MACROD2: variants seen among roughly 807,000 people sequenced by gnomAD.
The protein encoded by MACROD2 is mono-ADP ribosylhydrolase 2.
A neutral mutation model predicts 70.4 loss-of-function variants in MACROD2; 36 were observed. The ratio of observed to expected loss-of-function variants is 0.51; its 90% CI spans 0.39 to 0.68. The LOEUF (loss-of-function observed/expected upper bound fraction) is 0.68. MACROD2 is among the 30% of genes least tolerant of loss of function. The pLI is 0.00. For missense variants in MACROD2, 496 were observed against 538.4 expected, an observed-to-expected ratio of 0.92 and a Z score of 0.78; for synonymous variants, 172 against 178.8, an observed-to-expected ratio of 0.96 and a Z score of 0.30.
intron 7 of MACROD2, among the ~76,000 whole-genome samples, chr20:15,434,251 T>C (rs1420285623): frequency 6.7e-6 from 1 of 149,414 alleles, no homozygotes; most frequent in African/African-American, 2.5e-5. Context: ...ATCCACAGAG[T>C]GGGAGAAAAT....
chr20:15,100,477 C>T (rs776495628), intron 5 of MACROD2, among the ~76,000 whole-genome samples: 63 of 152,132 alleles, frequency 4.1e-4, no homozygotes, highest in Non-Finnish European at 7.1e-4. Context: ...ACTGGACTCC[C>T]GTACAACTGA....
chr20:15,852,591 A>T (rs1460977740), intron 8 of MACROD2, among the ~76,000 whole-genome samples: 9 of 152,226 alleles, frequency 5.9e-5, no homozygotes, highest in African/African-American at 2.2e-4. Flanking sequence ...GAAGAAGAAC[A>T]ATGATATTCG....
At chr20:14,811,085 T>C (rs191815654) in intron 5 of MACROD2, among the ~76,000 whole-genome samples, 1 of 152,118 alleles carries the variant, frequency 6.6e-6, no homozygotes, top group East Asian at 1.9e-4. Flanking sequence ...TTAGAAAAAC[T>C]ACTTTAAATT....
chr20:15,189,373 C>T (rs987819714), intron 5 of MACROD2, among the ~76,000 whole-genome samples: 16 of 151,720 alleles, frequency 1.1e-4, no homozygotes, highest in South Asian at 2.1e-4. Flanking sequence ...TGTATGTACA[C>T]GCACATACAC....
intron 5 of MACROD2, among the ~76,000 whole-genome samples, chr20:14,902,931 A>C (rs2073913927): frequency 6.6e-6 from 1 of 152,142 alleles, no homozygotes; most frequent in South Asian, 2.1e-4. Flanking sequence ...AAGCAGTAAT[A>C]CAAGGAAAGA....
rs547708521 is a variant in MACROD2, at chr20:15,890,749, G to A, written c.775+4938G>A. 3.0e-4 allele frequency among the ~76,000 whole-genome samples: 45 copies of A among 151,590 alleles called. 1 individual carries two copies. Among genetic ancestry groups the A allele is most frequent in the African/African-American group, 1.0e-3 (42 of 41,348 alleles). Reference sequence around the variant, plus strand: ...TCTATCAAATGTGGGGTTTTTTTTTGTTCTGTTCCTTTTTTAATAAATGGG... The same window carrying A: ...TCTATCAAATGTGGGGTTTTTTTTTATTCTGTTCCTTTTTTAATAAATGGG... On this transcript the variant is annotated intron_variant, in intron 10 of 17. Coordinates refer to ENST00000684519, the MANE Select transcript of MACROD2 (RefSeq NM_001351661.2).
intron 8 of MACROD2, among the ~76,000 whole-genome samples, chr20:15,636,368 C>T (rs1185728839): frequency 1.3e-5 from 2 of 152,152 alleles, no homozygotes; most frequent in Non-Finnish European, 2.9e-5. Context: ...TATCAGCTTC[C>T]ACCTCCATGG....
chr20:14,435,455 C>T (rs1005047901), intron 3 of MACROD2, among the ~76,000 whole-genome samples: 4 of 152,118 alleles, frequency 2.6e-5, no homozygotes, highest in East Asian at 1.9e-4. Context: ...ACTGTGATAA[C>T]GATCCCAGTG....
chr20:14,660,236 T>C (rs1352994361), intron 4 of MACROD2, among the ~76,000 whole-genome samples: 1 of 152,244 alleles, frequency 6.6e-6, no homozygotes, highest in East Asian at 1.9e-4. Flanking sequence ...GGAGCCTATG[T>C]TTTTCTAGAG....
At chr20:15,117,622 C>T (rs1195667646) in intron 5 of MACROD2, among the ~76,000 whole-genome samples, 1 of 152,166 alleles carries the variant, frequency 6.6e-6, no homozygotes, top group Non-Finnish European at 1.5e-5. Flanking sequence ...GAGTCTTGAG[C>T]ATGCGTTGAC....
chr20:15,357,638 T>C (rs976460640), intron 6 of MACROD2, among the ~76,000 whole-genome samples: 1 of 152,204 alleles, frequency 6.6e-6, no homozygotes, highest in Non-Finnish European at 1.5e-5. Context: ...CTTTGTACTT[T>C]TATTTCTTCT....
At chr20:15,445,551 C>G (rs112285456) in intron 7 of MACROD2, among the ~76,000 whole-genome samples, 11 of 152,210 alleles carry the variant, frequency 7.2e-5, no homozygotes, top group African/African-American at 2.6e-4. Flanking sequence ...AAAACCAAAT[C>G]ATGTTTCTGT....
intron 3 of MACROD2, among the ~76,000 whole-genome samples, chr20:14,287,072 G>A (rs2082351130): frequency 6.6e-6 from 1 of 152,086 alleles, no homozygotes; most frequent in Non-Finnish European, 1.5e-5. Context: ...AGGCTTGCCT[G>A]CATTTCTTAA....
chr20:14,496,342 G>T (rs182594649), intron 4 of MACROD2, among the ~76,000 whole-genome samples: 2 of 152,218 alleles, frequency 1.3e-5, no homozygotes, highest in Non-Finnish European at 2.9e-5. Context: ...CCTCAGGAGG[G>T]CTTCCCCCAT....
intron 4 of MACROD2, among the ~76,000 whole-genome samples, chr20:14,642,180 TCTG>T (rs1183757949): frequency 6.6e-6 from 1 of 152,218 alleles, no homozygotes; most frequent in Non-Finnish European, 1.5e-5. Flanking sequence ...TGAACCAACC[TCTG>T]CTAGCTTCCA....
intron 6 of MACROD2, among the ~76,000 whole-genome samples, chr20:15,247,908 G>T (rs913114440): frequency 6.6e-5 from 10 of 152,178 alleles, no homozygotes; most frequent in African/African-American, 2.4e-4. Flanking sequence ...CTGTTGGCCA[G>T]GCTGCTCTTC....
intron 5 of MACROD2, among the ~76,000 whole-genome samples, chr20:15,161,779 A>C (rs1011169900): frequency 1.3e-5 from 2 of 152,042 alleles, no homozygotes; most frequent in African/African-American, 4.8e-5. Context: ...ATTTCTACGT[A>C]GATGCAGAAA....
chr20:15,133,288 T>C (rs1485768383), intron 5 of MACROD2, among the ~76,000 whole-genome samples: 2 of 152,086 alleles, frequency 1.3e-5, no homozygotes, highest in Non-Finnish European at 2.9e-5. Context: ...AGAAAATTAT[T>C]TGCATAAATA....
chr20:15,905,215 T>G (rs2065129080), intron 10 of MACROD2, among the ~76,000 whole-genome samples: 1 of 152,130 alleles, frequency 6.6e-6, no homozygotes, highest in Non-Finnish European at 1.5e-5. Flanking sequence ...TCTGAGAACA[T>G]CTAGGGCAAC....
Sources: gnomAD v4.1 joint callset for allele counts (sites outside exome capture counted in the v4.1 genomes callset) on GRCh38, gnomAD v4.1.1 for gene constraint, MANE v1.5 for transcripts, NCBI Gene and HGNC (gene_info 2026-07-23, HGNC 2026-07-21) for gene names.